PPFIA2: variants seen among roughly 807,000 people sequenced by gnomAD.
The protein encoded by PPFIA2 is liprin-alpha-2.
Under a neutral mutation model 175.5 loss-of-function variants are expected in PPFIA2, and 46 were observed. The observed-to-expected ratio is 0.26, with a 90% CI of 0.21 to 0.34. The LOEUF (loss-of-function observed/expected upper bound fraction) is 0.34, where lower values mean the gene tolerates loss of function less well. PPFIA2 is among the 10% of genes least tolerant of loss of function. PPFIA2 has a pLI of 1.00. For missense variants in PPFIA2, 1,179 were observed against 1,506.1 expected (o/e 0.78, Z 3.60); for synonymous variants, 568 against 511.4 (o/e 1.11, Z -1.49).
intron 4 of PPFIA2, among the ~76,000 whole-genome samples, chr12:81,551,941 T>C: frequency 6.6e-6 from 1 of 151,930 alleles, no homozygotes; most frequent in Non-Finnish European, 1.5e-5. Context: ...CAAGATGCTT[T>C]TAAATTAAAT....
In PPFIA2 at chr12:81,358,477, A is replaced by G. The variant is rs577153831; in HGVS notation, c.1638-260T>C. Among the ~76,000 whole-genome samples, 8 of 152,288 alleles carry G rather than the reference A, an allele frequency of 5.3e-5. No individual in the cohort carries two copies. In the South Asian group the frequency reaches 1.7e-3, roughly 32 times the overall value. ...AGTGCTTATAACCTTTCTGTTTATT[A>G]TCATTTTCAAATGCAGTAGTAAAAT... On this transcript the variant is annotated intron_variant, in intron 15 of 32. Transcript: ENST00000549396.
intron 4 of PPFIA2, among the ~76,000 whole-genome samples, chr12:81,523,333 G>C (rs2063369648): frequency 6.6e-6 from 1 of 152,044 alleles, no homozygotes; most frequent in Non-Finnish European, 1.5e-5. Flanking sequence ...CCTTAGAATT[G>C]ACCACCCCCT....
chr12:81,595,421 C>T (rs2153449636), intron 4 of PPFIA2, among the ~76,000 whole-genome samples: 1 of 152,104 alleles, frequency 6.6e-6, no homozygotes, highest in Admixed American at 6.6e-5. Context: ...ATTTTAGAAA[C>T]TACATTCTAG....
At chr12:81,446,201 A>C (rs2051216284) in intron 5 of PPFIA2, among the ~76,000 whole-genome samples, 1 of 152,232 alleles carries the variant, frequency 6.6e-6, no homozygotes, top group East Asian at 1.9e-4. Context: ...TTTTATTCAC[A>C]ATTAGTCTTT....
intron 4 of PPFIA2, among the ~76,000 whole-genome samples, chr12:81,604,151 C>CTGATTTCCAGTGGG (rs146480604): frequency 4.0e-5 from 6 of 151,642 alleles, no homozygotes; most frequent in African/African-American, 1.2e-4. Context: ...CTGGAAATCA[C>CTGATTTCCAGTGGG]TGATTTCCAG....
At chr12:81,429,707 C>T (rs2047753349) in intron 7 of PPFIA2, among the ~76,000 whole-genome samples, 1 of 152,004 alleles carries the variant, frequency 6.6e-6, no homozygotes, top group Non-Finnish European at 1.5e-5. Flanking sequence ...TCAAAGACAA[C>T]TTTAGCTCAA....
At chr12:81,450,930 A>G (rs1483469890) in intron 5 of PPFIA2, among the ~76,000 whole-genome samples, 2 of 152,156 alleles carry the variant, frequency 1.3e-5, no homozygotes, top group African/African-American at 4.8e-5. Flanking sequence ...TCATCCTGGA[A>G]TTAGTATATC....
Position 81,481,745 on chromosome 12 carries a change from G to A in PPFIA2, c.304-23879C>T, listed in dbSNP as rs117574164. Among the ~76,000 whole-genome samples the A allele has an allele frequency of 5.3e-3, 808 of 152,112 alleles. 5 individuals are homozygous for A. The highest frequency in any genetic ancestry group is 0.014 in the Middle Eastern group (4 of 292). The stretch of plus-strand genomic sequence containing the variant: ...CAACTCATACAAAAATTAACTCAAG[G>A]TGGTTTAAAGACTTGAATGTAAGAC... On this transcript the variant is annotated intron_variant, in intron 4 of 32. Transcript: ENST00000549396.
intron 8 of PPFIA2, among the ~76,000 whole-genome samples, chr12:81,384,846 C>A (rs2038576082): frequency 6.6e-6 from 1 of 152,042 alleles, no homozygotes; most frequent in Non-Finnish European, 1.5e-5. Flanking sequence ...TGTGTGCACA[C>A]AACTCACAGG....
chr12:81,703,285 G>C (rs1293438425), intron 3 of PPFIA2, among the ~76,000 whole-genome samples: 1 of 151,992 alleles, frequency 6.6e-6, no homozygotes, highest in Admixed American at 6.6e-5. Flanking sequence ...TACTAAATAA[G>C]TTTAAAATTT....
At chr12:81,343,441 A>G (rs564222115) in intron 19 of PPFIA2, among the ~76,000 whole-genome samples, 11 of 152,154 alleles carry the variant, frequency 7.2e-5, no homozygotes, top group Non-Finnish European at 1.5e-4. Context: ...AAGAGGCTAT[A>G]GGTAGATAGA....
At chr12:81,462,656 A>C (rs887936354) in intron 4 of PPFIA2, among the ~76,000 whole-genome samples, 2 of 148,566 alleles carry the variant, frequency 1.3e-5, no homozygotes, top group African/African-American at 4.9e-5. Context: ...TTATTCAGAA[A>C]ATCTTCTCTG....
At chr12:81,601,598 T>C (rs1318363393) in intron 4 of PPFIA2, among the ~76,000 whole-genome samples, 1 of 77,262 alleles carries the variant, frequency 1.3e-5, no homozygotes, top group Non-Finnish European at 2.5e-5. Context: ...CATTTGACAC[T>C]TTTTTTTTTT....
At chr12:81,363,968 T>G (rs1457631036) in intron 14 of PPFIA2, among the ~76,000 whole-genome samples, 2 of 151,862 alleles carry the variant, frequency 1.3e-5, no homozygotes, top group Admixed American at 1.3e-4. Context: ...CTTGCCCTCA[T>G]GCAATTTAGA....
intron 4 of PPFIA2, among the ~76,000 whole-genome samples, chr12:81,649,921 G>A (rs1014918409): frequency 6.6e-6 from 1 of 152,140 alleles, no homozygotes; most frequent in African/African-American, 2.4e-5. Flanking sequence ...GAAATTTTTA[G>A]GGCCATGGGA....
chr12:81,546,881 A>G lies in PPFIA2; in HGVS notation c.304-89015T>C, dbSNP rs543543576. ...ATGGTAAGTCGCAGCAGTTGGGCCC[A>G]GAAAGTGTGAGGACCACTGGTCCAG... On this transcript the variant is annotated intron_variant, in intron 4 of 32. Coordinates refer to ENST00000549396, the MANE Select transcript of PPFIA2 (RefSeq NM_003625.5). 2.0e-5 allele frequency among the ~76,000 whole-genome samples: 3 copies of G among 152,230 alleles called. No individual in the cohort carries two copies. The East Asian group carries it at 5.8e-4, about 29-fold the overall frequency.
intron 4 of PPFIA2, among the ~76,000 whole-genome samples, chr12:81,458,558 T>C (rs765786164): frequency 3.9e-5 from 6 of 152,112 alleles, no homozygotes; most frequent in African/African-American, 9.7e-5. Flanking sequence ...ATAGGTCATA[T>C]TGTTACAAAA....
chr12:81,636,188 C>CTG (rs1304594936), intron 4 of PPFIA2, among the ~76,000 whole-genome samples: 20 of 151,916 alleles, frequency 1.3e-4, no homozygotes, highest in Admixed American at 4.6e-4. Context: ...TTCTATCCCT[C>CTG]TAGACATTAA....
intron 4 of PPFIA2, among the ~76,000 whole-genome samples, chr12:81,630,563 T>C (rs7134909): frequency 0.52 from 79,424 of 151,924 alleles, 21,635 homozygotes; most frequent in Middle Eastern, 0.61. Context: ...ATTATCATTA[T>C]TCTTTGGACT....
Sources: gnomAD v4.1 joint callset for allele counts (sites outside exome capture counted in the v4.1 genomes callset) on GRCh38, gnomAD v4.1.1 for gene constraint, MANE v1.5 for transcripts, NCBI Gene and HGNC (gene_info 2026-07-23, HGNC 2026-07-21) for gene names.